CEP192: variants seen among roughly 807,000 people sequenced by gnomAD.
CEP192 encodes centrosomal protein 192.
A neutral mutation model predicts 271.8 loss-of-function variants in CEP192; 151 were observed. That is an observed-to-expected ratio of 0.56 (90% CI 0.49 to 0.64). CEP192 has a LOEUF of 0.64. Ranked by LOEUF, CEP192 falls within the 30% of genes least tolerant of loss-of-function variation. The pLI is 0.00. For synonymous variants in CEP192, 995 were observed against 1,076.5 expected (o/e 0.92, Z 1.48); for missense variants, 2,910 against 3,020.5 (o/e 0.96, Z 0.86).
intron 30 of CEP192, among the ~76,000 whole-genome samples, chr18:13,085,154 A>G (rs2038837583): frequency 6.6e-6 from 1 of 152,020 alleles, no homozygotes; most frequent in Non-Finnish European, 1.5e-5. Flanking sequence ...ACCAGTAATG[A>G]TGAGCTTTTT....
At chr18:13,076,942 C>T (rs2038321222) in intron 30 of CEP192, among the ~76,000 whole-genome samples, 1 of 152,088 alleles carries the variant, frequency 6.6e-6, no homozygotes, top group Non-Finnish European at 1.5e-5. Flanking sequence ...CGTCACCACA[C>T]CCGGCTAATT....
intron 11 of CEP192, among the ~76,000 whole-genome samples, chr18:13,033,344 A>C (rs1257865549): frequency 6.6e-6 from 1 of 152,144 alleles, no homozygotes; most frequent in Non-Finnish European, 1.5e-5. Context: ...ATTTTTAATC[A>C]TGGAAAGAAA....
intron 2 of CEP192, chr18:13,000,497 G>A (rs2033573287): frequency 6.6e-6 from 1 of 152,308 alleles, no homozygotes; most frequent in East Asian, 1.9e-4. Context: ...GTATGACAGA[G>A]CCTCACTTTT....
intron 2 of CEP192, among the ~76,000 whole-genome samples, chr18:13,000,947 T>A (rs2033606510): frequency 6.6e-6 from 1 of 152,218 alleles, no homozygotes; most frequent in Admixed American, 6.5e-5. Context: ...AGGGAGACTC[T>A]GTCTCAAGAA....
At chr18:13,010,254 T>C (rs1036393083) in intron 4 of CEP192, among the ~76,000 whole-genome samples, 1 of 152,186 alleles carries the variant, frequency 6.6e-6, no homozygotes, top group Admixed American at 6.5e-5. Flanking sequence ...ATCAAAGAAA[T>C]CAAAGCTGGA....
intron 38 of CEP192, among the ~76,000 whole-genome samples, chr18:13,102,852 C>T (rs960912525): frequency 6.6e-6 from 1 of 152,194 alleles, no homozygotes; most frequent in Non-Finnish European, 1.5e-5. Flanking sequence ...TTCCCGTGTG[C>T]TCGGGCCCAG....
At chr18:13,058,798 T>G in intron 20 of CEP192, 1 of 403,228 alleles carries the variant, frequency 2.5e-6, no homozygotes, top group Non-Finnish European at 4.6e-6. Flanking sequence ...GAGTGACCTT[T>G]GTCAGTGTCC....
Position 13,089,502 on chromosome 18 carries a change from C to T in CEP192, c.6040C>T (p.His2014Tyr). The T allele has an allele frequency of 6.2e-7, 1 of 1,606,886 alleles. No individual in the cohort carries two copies. The highest frequency in any genetic ancestry group is 2.2e-5 in the East Asian group (1 of 44,608). The change falls in exon 33 of 45, where the codon CAT (histidine) becomes TAT (tyrosine). Residue 2014 changes from histidine (H) to tyrosine (Y), a missense_variant. Coordinates refer to ENST00000506447, the MANE Select transcript of CEP192 (RefSeq NM_032142.4). Reference sequence around the variant, plus strand: ...GATGATAAAACAGATACTTCCAGAACATAGTGTGCTTCAAAACATTAATTT... The same window carrying T: ...GATGATAAAACAGATACTTCCAGAATATAGTGTGCTTCAAAACATTAATTT... ...PEMIKQILPE[H>Y]SVLQNINFVE... is the part of the protein sequence containing the mutation.
At chr18:13,062,814 G>A (rs2037480017) in intron 21 of CEP192, among the ~76,000 whole-genome samples, 1 of 152,130 alleles carries the variant, frequency 6.6e-6, no homozygotes, top group Non-Finnish European at 1.5e-5. Flanking sequence ...CTGTCAAATA[G>A]TAGGTCTTAA....
intron 28 of CEP192, among the ~76,000 whole-genome samples, chr18:13,072,539 A>G (rs2038064563): frequency 6.6e-6 from 1 of 152,232 alleles, no homozygotes; most frequent in Non-Finnish European, 1.5e-5. Context: ...AACTGGAGAG[A>G]GATTAAACCA....
In CEP192 at chr18:13,049,692, G is replaced by C; in HGVS notation, c.2890+11G>C. On this transcript the variant is annotated intron_variant, in intron 16 of 44. Coordinates refer to ENST00000506447, the MANE Select transcript of CEP192 (RefSeq NM_032142.4). ...CACCTAAAAATAGTGGTAAGTGTCT[G>C]AGTCGTTGGTCACATTCATAAAATT... The C allele has an allele frequency of 6.2e-7, 1 of 1,604,730 alleles. No individual in the cohort carries two copies. The highest frequency in any genetic ancestry group is 8.5e-7 in the Non-Finnish European group (1 of 1,174,846).
chr18:13,044,946 G>T (rs1020660530), intron 15 of CEP192, among the ~76,000 whole-genome samples: 1 of 152,048 alleles, frequency 6.6e-6, no homozygotes, highest in South Asian at 2.1e-4. Context: ...TTTAATAGTT[G>T]TAGTACTATT....
intron 11 of CEP192, among the ~76,000 whole-genome samples, chr18:13,033,646 C>T (rs952433775): frequency 6.6e-6 from 1 of 152,114 alleles, no homozygotes; most frequent in African/African-American, 2.4e-5. Context: ...GTGATAACAA[C>T]GTTAGAAGCA....
In CEP192 at chr18:13,096,233, G is replaced by A; in HGVS notation, c.6483G>A (p.Arg2161=). 1 of 1,614,186 alleles carries A rather than the reference G, an allele frequency of 6.2e-7. No individual in the cohort carries two copies. Among genetic ancestry groups the A allele is most frequent in the Non-Finnish European group, 8.5e-7 (1 of 1,180,010 alleles). The change falls in exon 36 of 45, where the codon AGG becomes AGA. Residue 2161 remains arginine, a synonymous_variant. Coordinates refer to ENST00000506447, the MANE Select transcript of CEP192 (RefSeq NM_032142.4). ...GRFQIVNNSV[R]LLRFELCWPA... Reference sequence around the variant, plus strand: ...TCCAGATTGTGAATAACTCTGTGAGGTTACTGAGATTTGAGCTGTGCTGGC... The same window carrying A: ...TCCAGATTGTGAATAACTCTGTGAGATTACTGAGATTTGAGCTGTGCTGGC...
At chr18:13,069,253 C>T in intron 26 of CEP192, 72 bp downstream of exon 26, 1 of 1,273,534 alleles carries the variant, frequency 7.9e-7, no homozygotes, top group South Asian at 1.2e-5. Flanking sequence ...TTTCTGCAGG[C>T]TGTTGTGCTC....
At chr18:13,044,043 A>G (rs2036348513) in intron 15 of CEP192, among the ~76,000 whole-genome samples, 1 of 152,150 alleles carries the variant, frequency 6.6e-6, no homozygotes. Context: ...TAAATGTACA[A>G]TTAAATTATT....
At chr18:13,118,036 C>T (rs933583599) in intron 44 of CEP192, among the ~76,000 whole-genome samples, 1 of 152,148 alleles carries the variant, frequency 6.6e-6, no homozygotes, top group African/African-American at 2.4e-5. Flanking sequence ...AAAACCTTTC[C>T]GAGTTAATTG....
In CEP192 at chr18:13,059,227, C is replaced by T. The variant is rs754544947; in HGVS notation, c.4403C>T (p.Ser1468Leu). 5.6e-6 allele frequency: 9 copies of T among 1,614,004 alleles called. No individual in the cohort carries two copies. The East Asian group carries it at 8.9e-5, about 16-fold the overall frequency. ...CTFSVASWPCSTDAETIVQAE... is the reference protein window; with the variant it reads ...CTFSVASWPCLTDAETIVQAE... ...TTCAGTGTTGCTTCTTGGCCATGTTCGACAGATGCTGAGACCATCGTACAG... is the reference window on the plus strand; with the variant it reads ...TTCAGTGTTGCTTCTTGGCCATGTTTGACAGATGCTGAGACCATCGTACAG... Residue 1468 changes from serine (S) to leucine (L), a missense_variant, in exon 21 of 45, where the codon TCG becomes TTG. Transcript: ENST00000506447.
chr18:13,121,438 G>A (rs1055401029), intron 44 of CEP192, among the ~76,000 whole-genome samples: 11 of 152,204 alleles, frequency 7.2e-5, no homozygotes, highest in African/African-American at 2.4e-4. Flanking sequence ...CTTACAGGCT[G>A]TAAGCTGATT....
Sources: allele counts gnomAD v4.1 joint callset (sites outside exome capture counted in the v4.1 genomes callset), GRCh38; gene constraint gnomAD v4.1.1; transcripts MANE v1.5; gene names NCBI Gene and HGNC (gene_info 2026-07-23, HGNC 2026-07-21).